Variants in DNAH9 observed in about 807,000 individuals in gnomAD.
DNAH9 encodes the protein DNAH9 variant protein.
In DNAH9, 345 loss-of-function variants were observed where a neutral mutation model predicts 471.6. The observed-to-expected ratio is 0.73, with a 90% CI of 0.67 to 0.80. DNAH9 has a LOEUF of 0.80. DNAH9 is among the 30% of genes least tolerant of loss of function. DNAH9 has a pLI of 0.00. For synonymous variants in DNAH9, 2,093 were observed against 2,123.6 expected (o/e 0.99, Z 0.40); for missense variants, 5,407 against 5,609.2 (o/e 0.96, Z 1.15).
rs1014932189 is a variant in DNAH9, at chr17:11,623,122, T to C, written c.1350+3341T>C. Among the ~76,000 whole-genome samples, 4 of 151,952 alleles carry C rather than the reference T, an allele frequency of 2.6e-5. No homozygotes were observed. Among genetic ancestry groups the C allele is most frequent in the South Asian group, 2.1e-4 (1 of 4,808 alleles). On this transcript the variant is annotated intron_variant, in intron 6 of 68. Transcript: ENST00000262442. The surrounding 1 kb of genome is among the most constrained non-coding windows in gnomAD (Gnocchi z 4.1). Reference sequence around the variant, plus strand: ...CCAAGTAGCTGGGATTACAGGCATGTGCCACCATGCCTGGTTAATTTTTGT... The same window carrying C: ...CCAAGTAGCTGGGATTACAGGCATGCGCCACCATGCCTGGTTAATTTTTGT...
At position 11,704,378 on chromosome 17, in the gene DNAH9, T is replaced by C. The variant is rs775877923; in HGVS notation, c.5327T>C (p.Ile1776Thr). Reference protein sequence around the residue: ...GQLSKGDRQKIMTICTIDVHA... With the variant: ...GQLSKGDRQKTMTICTIDVHA... ...CTCTCCAAGGGAGACCGGCAGAAGA[T>C]TATGACTATATGCACCATCGATGTG... Residue 1776 changes from isoleucine (I) to threonine (T), a missense_variant, in exon 25 of 69, where the codon ATT (isoleucine) becomes ACT (threonine). By Grantham distance (89) the Ile-to-Thr change is moderately conservative. Transcript: ENST00000262442. 5 of 1,613,968 alleles carry C rather than the reference T, an allele frequency of 3.1e-6. No homozygotes were observed. In the African/African-American group the frequency reaches 6.7e-5, roughly 22 times the overall value.
At chr17:11,684,522 G>A (rs2074201564) in intron 19 of DNAH9, among the ~76,000 whole-genome samples, 1 of 152,132 alleles carries the variant, frequency 6.6e-6, no homozygotes, top group Admixed American at 6.5e-5. Context: ...TGCTCTAGTG[G>A]TGTTTCACTG....
intron 9 of DNAH9, 26 bp downstream of exon 9, chr17:11,636,810 T>G (rs2073175714): frequency 1.2e-6 from 2 of 1,609,026 alleles, no homozygotes; most frequent in Non-Finnish European, 1.7e-6. Flanking sequence ...GGGATTTTGA[T>G]GGGGACATTC....
rs1169300272 is a variant in DNAH9, at chr17:11,704,363, G to A, written c.5312G>A (p.Gly1771Glu). 1 of 1,614,026 alleles carries A rather than the reference G, an allele frequency of 6.2e-7. No individual in the cohort carries two copies. The highest frequency in any genetic ancestry group is 8.5e-7 in the Non-Finnish European group (1 of 1,180,036). The change falls in exon 25 of 69, where the codon GGA becomes GAA. Residue 1771 changes from glycine to glutamate, a missense_variant. Gly to Glu is a moderately conservative substitution (Grantham distance 98). Coordinates refer to ENST00000262442, the MANE Select transcript of DNAH9 (RefSeq NM_001372.4). ...ATGCTGATTGGCCAGCTCTCCAAGGGAGACCGGCAGAAGATTATGACTATA... is the reference window on the plus strand; with the variant it reads ...ATGCTGATTGGCCAGCTCTCCAAGGAAGACCGGCAGAAGATTATGACTATA... ...ITMLIGQLSK[G>E]DRQKIMTICT...
chr17:11,739,745 A>G lies in DNAH9; in HGVS notation c.5972+708A>G, dbSNP rs987716323. Among the ~76,000 whole-genome samples, 12 of 152,186 alleles carry G rather than the reference A, an allele frequency of 7.9e-5. 1 individual carries two copies. The highest frequency in any genetic ancestry group is 2.1e-4 in the South Asian group (1 of 4,834). The stretch of plus-strand genomic sequence containing the variant: ...TATTTTGATAAGAAAACACAAATAC[A>G]TTTCATCGAAGTAGCTGGAGGCTGC... On this transcript the variant is annotated intron_variant, in intron 29 of 68. Transcript: ENST00000262442.
Position 11,891,966 on chromosome 17 carries a change from A to C in DNAH9, c.11283+19A>C. ...CTTTCAGGTAAAAGTGGATTGAAGA[A>C]GTTTCCAGAAAACAGGTTATTTTTA... On this transcript the variant is annotated intron_variant, in intron 58 of 68. Coordinates refer to ENST00000262442, the MANE Select transcript of DNAH9 (RefSeq NM_001372.4). 6.2e-7 allele frequency: 1 copy of C among 1,608,920 alleles called. No individual in the cohort carries two copies. Among genetic ancestry groups the C allele is most frequent in the Non-Finnish European group, 8.5e-7 (1 of 1,176,466 alleles).
At chr17:11,654,162 T>C (rs1434377278) in intron 14 of DNAH9, among the ~76,000 whole-genome samples, 1 of 72,324 alleles carries the variant, frequency 1.4e-5, no homozygotes. Flanking sequence ...GAGACCATCC[T>C]GGCTAACACG....
chr17:11,872,145 G>C (rs757926370), intron 52 of DNAH9, among the ~76,000 whole-genome samples: 1 of 152,174 alleles, frequency 6.6e-6, no homozygotes, highest in African/African-American at 2.4e-5. Context: ...CTTCATAGGA[G>C]CAGTCAGGGG....
At chr17:11,934,314 G>T (rs562598926) in intron 65 of DNAH9, among the ~76,000 whole-genome samples, 1 of 152,100 alleles carries the variant, frequency 6.6e-6, no homozygotes, top group Non-Finnish European at 1.5e-5. Context: ...TAATCAAATG[G>T]AGCCTTTGGA....
chr17:11,847,039 A>G (rs538443341), intron 49 of DNAH9, among the ~76,000 whole-genome samples: 2 of 152,130 alleles, frequency 1.3e-5, no homozygotes, highest in African/African-American at 4.8e-5. Context: ...TTCCAACACT[A>G]TGTTGAATAG....
Position 11,610,442 on chromosome 17 carries a change from G to A in DNAH9, c.661G>A (p.Val221Met), listed in dbSNP as rs1269325994. Reference protein sequence around the residue: ...KSVIYAIESAVIKWSYQVQVV... With the variant: ...KSVIYAIESAMIKWSYQVQVV... ...AGTCATCTATGCCATTGAGTCTGCA[G>A]TGATCAAATGGAGCTACCAAGTCCA... is the stretch of plus-strand genomic sequence containing the variant. The change falls in exon 3 of 69, where the codon GTG (valine) becomes ATG (methionine). Residue 221 changes from valine to methionine, a missense_variant. Coordinates refer to ENST00000262442, the MANE Select transcript of DNAH9 (RefSeq NM_001372.4). 1.9e-6 allele frequency: 3 copies of A among 1,613,614 alleles called. No homozygotes were observed. Among genetic ancestry groups the A allele is most frequent in the Non-Finnish European group, 2.5e-6 (3 of 1,179,730 alleles).
intron 14 of DNAH9, 132 bp downstream of exon 14, chr17:11,653,134 CT>C: frequency 1.0e-6 from 1 of 985,080 alleles, no homozygotes; most frequent in Non-Finnish European, 1.5e-6. Flanking sequence ...GAAGTTTAGG[CT>C]GATAGCAAAA....
rs1250561090 is a variant in DNAH9 at position 11,874,960 on chromosome 17, A to G, written c.10254A>G (p.Pro3418=). Residue 3418 remains proline, a synonymous_variant, in exon 53 of 69, where the codon CCA becomes CCG. Transcript: ENST00000262442. The part of the protein sequence containing the change: ...PYLSQLKTPI[P]VTPALDPLRM... ...TTCTTCTTCACCAGACTCCCATTCC[A>G]GTCACCCCAGCCCTGGATCCCCTGA... 6.2e-6 allele frequency: 10 copies of G among 1,613,584 alleles called. No homozygotes were observed. Among genetic ancestry groups the G allele is most frequent in the African/African-American group, 1.3e-5 (1 of 74,882 alleles).
intron 67 of DNAH9, among the ~76,000 whole-genome samples, chr17:11,955,276 C>T (rs1256313424): frequency 6.6e-6 from 1 of 151,676 alleles, no homozygotes; most frequent in Non-Finnish European, 1.5e-5. Context: ...TGAGTAGTGT[C>T]AGCAGAGATC....
In DNAH9 at chr17:11,777,936, G is replaced by A. The variant is rs1031846662; in HGVS notation, c.7553-3073G>A. Among the ~76,000 whole-genome samples the A allele has an allele frequency of 5.9e-5, 9 of 152,266 alleles. No individual in the cohort carries two copies. The East Asian group carries it at 1.7e-3, about 29-fold the overall frequency. ...TAGTATAATGAAATTGAAGGGGATGGATGGGGTAATACACAAGATAATAAG... is the reference window on the plus strand; with the variant it reads ...TAGTATAATGAAATTGAAGGGGATGAATGGGGTAATACACAAGATAATAAG... On this transcript the variant is annotated intron_variant, in intron 38 of 68. Coordinates refer to ENST00000262442, the MANE Select transcript of DNAH9 (RefSeq NM_001372.4).
chr17:11,806,257 G>A (rs1045703591), intron 43 of DNAH9, among the ~76,000 whole-genome samples: 4 of 152,278 alleles, frequency 2.6e-5, no homozygotes, highest in Admixed American at 6.5e-5. Context: ...TGTCGGTGCC[G>A]TCATTCTGCG....
At chr17:11,769,353 G>A in intron 38 of DNAH9, 24 bp downstream of exon 38, 1 of 1,581,890 alleles carries the variant, frequency 6.3e-7, no homozygotes, top group Non-Finnish European at 8.6e-7. Flanking sequence ...GGCACCTGGG[G>A]TGGGGGGCAT....
chr17:11,831,941 T>C (rs979389405), intron 48 of DNAH9, among the ~76,000 whole-genome samples: 1 of 152,128 alleles, frequency 6.6e-6, no homozygotes, highest in African/African-American at 2.4e-5. Flanking sequence ...CACCATTTAC[T>C]ACCATGGTCC....
intron 49 of DNAH9, among the ~76,000 whole-genome samples, chr17:11,849,167 C>G (rs993685254): frequency 1.3e-5 from 2 of 152,108 alleles, no homozygotes; most frequent in Admixed American, 6.5e-5. Context: ...TAAGTTCTGC[C>G]TACACTAGCT....
Sources: gnomAD v4.1 joint callset for allele counts (sites outside exome capture counted in the v4.1 genomes callset) on GRCh38, gnomAD v4.1.1 for gene constraint, Gnocchi (gnomAD v3.1) non-coding constraint, MANE v1.5 for transcripts, NCBI Gene and HGNC (gene_info 2026-07-23, HGNC 2026-07-21) for gene names.